Variants in USP37 observed in about 807,000 individuals in gnomAD.
USP37 encodes ubiquitin carboxyl-terminal hydrolase 37.
Under a neutral mutation model 124.0 loss-of-function variants are expected in USP37, and 27 were observed. That is an observed-to-expected ratio of 0.22 (90% confidence interval 0.16 to 0.30). The LOEUF (loss-of-function observed/expected upper bound fraction) is 0.30. Ranked by LOEUF, USP37 falls within the 10% of genes least tolerant of loss-of-function variation. The probability of loss-of-function intolerance (pLI) is 1.00; values close to 1 mark genes in which losing one functional copy is unlikely to be tolerated. For missense variants in USP37, 889 were observed against 1,140.4 expected (o/e 0.78, Z 3.17); for synonymous variants, 365 against 388.0 (o/e 0.94, Z 0.70).
intron 9 of USP37, among the ~76,000 whole-genome samples, chr2:218,531,886 G>C (rs1691345999): frequency 6.6e-6 from 1 of 152,252 alleles, no homozygotes; most frequent in African/African-American, 2.4e-5. Flanking sequence ...GCAATCTCAT[G>C]ATCAGACTTT....
At chr2:218,457,246 C>T in intron 23 of USP37, 85 bp from the exon 24 acceptor site, 1 of 1,323,722 alleles carries the variant, frequency 7.6e-7, no homozygotes, top group Non-Finnish European at 1.1e-6. Flanking sequence ...TCAAAGCTGA[C>T]ATGGCTAAGC....
intron 11 of USP37, among the ~76,000 whole-genome samples, chr2:218,504,064 C>T (rs906384807): frequency 4.6e-5 from 7 of 152,036 alleles, no homozygotes; most frequent in South Asian, 4.2e-4. Flanking sequence ...ATAGGGAGGT[C>T]GATTCATTAA....
At chr2:218,469,519 T>A (rs1690553990) in intron 20 of USP37, among the ~76,000 whole-genome samples, 1 of 152,152 alleles carries the variant, frequency 6.6e-6, no homozygotes. Context: ...CAAAACGTAC[T>A]CAAAAACGTG....
Position 218,459,219 on chromosome 2 carries a change from G to A in USP37, c.2643+571C>T, listed in dbSNP as rs569982290. ...TAACTAAAGGTAATTTTTTCCCCCC[G>A]AGATGGAGTTTCGCTCTTGTTGCCC... On this transcript the variant is annotated intron_variant, in intron 23 of 25. Coordinates refer to ENST00000258399, the MANE Select transcript of USP37 (RefSeq NM_020935.3). Among the ~76,000 whole-genome samples, 16 of 151,982 alleles carry A rather than the reference G, an allele frequency of 1.1e-4. No homozygotes were observed. The South Asian group carries it at 2.5e-3, about 24-fold the overall frequency.
At chr2:218,557,799 C>T (rs58967282) in intron 4 of USP37, among the ~76,000 whole-genome samples, 2,495 of 145,136 alleles carry the variant, frequency 0.017, 78 homozygotes, top group African/African-American at 0.059. Context: ...GGAGTGGTGG[C>T]GCACACCTGT....
chr2:218,463,110 T>G (rs1178899922), intron 22 of USP37, among the ~76,000 whole-genome samples, 196 bp downstream of exon 22: 1 of 151,018 alleles, frequency 6.6e-6, no homozygotes, highest in Non-Finnish European at 1.5e-5. Context: ...GAGGTTGCAG[T>G]GAGCCAAGAT....
chr2:218,560,385 A>T (rs1456670031), intron 3 of USP37, among the ~76,000 whole-genome samples: 1 of 152,206 alleles, frequency 6.6e-6, no homozygotes, highest in African/African-American at 2.4e-5. Flanking sequence ...TTCTTTAACC[A>T]TAAGTTTTCT....
At chr2:218,508,880 T>C (rs1406086744) in intron 11 of USP37, among the ~76,000 whole-genome samples, 1 of 152,216 alleles carries the variant, frequency 6.6e-6, no homozygotes, top group Non-Finnish European at 1.5e-5. Flanking sequence ...ATTCAAGTAA[T>C]GTTGTAAGTT....
rs1693776143 is a variant in USP37 at position 218,568,284 on chromosome 2, AG to A, written c.-337del. On this transcript the variant is annotated 5_prime_UTR_variant, in exon 1 of 26. Coordinates refer to ENST00000258399, the MANE Select transcript of USP37 (RefSeq NM_020935.3). ...GAAGTAGGGATACCGAACCCAAAGG[AG>A]GGAGGCCGCTAGCTACCCCTAGTCA... is the stretch of plus-strand genomic sequence containing the variant. 1 of 152,532 alleles carries A rather than the reference AG, an allele frequency of 6.6e-6. No homozygotes were observed. The highest frequency in any genetic ancestry group is 6.5e-5 in the Admixed American group (1 of 15,276). The allele number at this position is 152,532 out of a possible 1,614,324, so 9.4% of individuals were successfully genotyped here. A position where few individuals can be genotyped will look rare whatever the true frequency, so the allele number is the denominator to read the frequency against.
intron 10 of USP37, among the ~76,000 whole-genome samples, chr2:218,519,153 T>A (rs1401457054): frequency 6.6e-6 from 1 of 152,230 alleles, no homozygotes; most frequent in African/African-American, 2.4e-5. Flanking sequence ...TGTCACAATA[T>A]CTGATATACT....
intron 4 of USP37, 51 bp from the exon 5 acceptor site, chr2:218,553,775 A>C: frequency 6.6e-7 from 1 of 1,520,510 alleles, no homozygotes; most frequent in Non-Finnish European, 8.9e-7. Context: ...ACAACTAAGT[A>C]TAACAATCTG....
intron 8 of USP37, among the ~76,000 whole-genome samples, chr2:218,545,080 T>C (rs1692245958): frequency 6.6e-6 from 1 of 152,174 alleles, no homozygotes; most frequent in Non-Finnish European, 1.5e-5. Flanking sequence ...GATAAGGGTG[T>C]TCTATGTATG....
intron 17 of USP37, among the ~76,000 whole-genome samples, chr2:218,480,223 C>A (rs1239445048): frequency 6.7e-6 from 1 of 150,298 alleles, no homozygotes; most frequent in African/African-American, 2.4e-5. Flanking sequence ...ATAGTGAAAA[C>A]CCGTTTCTAC....
At chr2:218,495,551 G>A (rs1689039666) in intron 14 of USP37, among the ~76,000 whole-genome samples, 1 of 152,208 alleles carries the variant, frequency 6.6e-6, no homozygotes, top group Non-Finnish European at 1.5e-5. Flanking sequence ...CATTACTCGG[G>A]AGGCTGAGGT....
chr2:218,483,471 G>A (rs1397166646), intron 16 of USP37, among the ~76,000 whole-genome samples: 1 of 151,440 alleles, frequency 6.6e-6, no homozygotes, highest in Admixed American at 6.6e-5. Flanking sequence ...AGGATTTAAA[G>A]AGTGGCTTTG....
chr2:218,471,623 C>G (rs1690696559), intron 20 of USP37, among the ~76,000 whole-genome samples: 1 of 152,216 alleles, frequency 6.6e-6, no homozygotes, highest in South Asian at 2.1e-4. Flanking sequence ...ACCAACTGTG[C>G]CTTCCTCATA....
At chr2:218,481,118 T>C (rs543255104) in intron 17 of USP37, among the ~76,000 whole-genome samples, 2 of 152,292 alleles carry the variant, frequency 1.3e-5, no homozygotes, top group South Asian at 4.1e-4. Context: ...TGACATAACA[T>C]ATGGCTTCAA....
chr2:218,460,923 G>C (rs924978123), intron 22 of USP37, among the ~76,000 whole-genome samples: 8 of 151,286 alleles, frequency 5.3e-5, no homozygotes, highest in Admixed American at 4.0e-4. Flanking sequence ...CCTGGTGACA[G>C]AGCGAGACTC....
chr2:218,499,853 C>T (rs545866340), intron 11 of USP37, among the ~76,000 whole-genome samples: 2 of 152,060 alleles, frequency 1.3e-5, no homozygotes, highest in Admixed American at 6.6e-5. Flanking sequence ...GTGATGACAA[C>T]GTACTGCAGC....
Sources: gnomAD v4.1 joint callset for allele counts (sites outside exome capture counted in the v4.1 genomes callset) on GRCh38, gnomAD v4.1.1 for gene constraint, MANE v1.5 for transcripts, NCBI Gene and HGNC (gene_info 2026-07-23, HGNC 2026-07-21) for gene names.